The following FGF14 variants were observed in gnomAD, a reference collection of about 807,000 sequenced individuals.
FGF14 encodes the protein fibroblast growth factor homologous factor 4.
Under a neutral mutation model 25.5 loss-of-function variants are expected in FGF14, and 5 were observed. The ratio of observed to expected loss-of-function variants is 0.20; its 90% CI spans 0.10 to 0.41. The LOEUF is 0.41. Among genes scored for constraint, FGF14 ranks in the 10% least tolerant of loss-of-function variants. The probability of loss-of-function intolerance (pLI) is 1.00; values close to 1 mark genes in which losing one functional copy is unlikely to be tolerated. For synonymous variants in FGF14, 138 were observed against 118.3 expected (o/e 1.17, Z -1.08); for missense variants, 222 against 320.1 (o/e 0.69, Z 2.34).
intron 1 of FGF14, among the ~76,000 whole-genome samples, chr13:102,348,643 C>T (rs1566953127): frequency 6.6e-6 from 1 of 152,176 alleles, no homozygotes; most frequent in East Asian, 1.9e-4. Context: ...CAAAATGTGA[C>T]GTCTTTGCAA....
At chr13:102,154,001 T>G (rs941593826) in intron 1 of FGF14, among the ~76,000 whole-genome samples, 1 of 151,840 alleles carries the variant, frequency 6.6e-6, no homozygotes, top group African/African-American at 2.4e-5. Context: ...AGGTTAAGAG[T>G]CAAAGGCAGA....
intron 1 of FGF14, among the ~76,000 whole-genome samples, chr13:101,948,381 A>G (rs1369860779): frequency 6.6e-6 from 1 of 152,046 alleles, no homozygotes; most frequent in East Asian, 1.9e-4. Context: ...AGAAGAGGGA[A>G]TAGATGTGGT....
intron 1 of FGF14, among the ~76,000 whole-genome samples, chr13:102,266,072 T>C (rs902637005): frequency 7.9e-5 from 12 of 151,132 alleles, no homozygotes; most frequent in African/African-American, 2.9e-4. Flanking sequence ...AGAGAAAAAA[T>C]AAGGGACAAC....
intron 3 of FGF14, among the ~76,000 whole-genome samples, chr13:101,756,482 C>T (rs1319490221): frequency 1.3e-5 from 2 of 152,128 alleles, no homozygotes; most frequent in East Asian, 1.9e-4. Context: ...CGCCTGTAAT[C>T]CCAGCACTTT....
intron 1 of FGF14, among the ~76,000 whole-genome samples, chr13:102,030,722 C>T (rs1926007): frequency 0.03 from 4,529 of 152,010 alleles, 247 homozygotes; most frequent in African/African-American, 0.1. Flanking sequence ...ACAGGGACTT[C>T]GGGGAAGCCT....
intron 1 of FGF14, among the ~76,000 whole-genome samples, chr13:102,391,518 A>T (rs1254787204): frequency 6.6e-6 from 1 of 152,238 alleles, no homozygotes; most frequent in Non-Finnish European, 1.5e-5. Flanking sequence ...TCTTAACTGC[A>T]TCATTAAAAT....
intron 1 of FGF14, among the ~76,000 whole-genome samples, chr13:102,092,309 T>C (rs1164859115): frequency 2.6e-5 from 4 of 152,218 alleles, no homozygotes; most frequent in Non-Finnish European, 5.9e-5. Context: ...GTCTTATGCA[T>C]TGCTGTTTGT....
chr13:101,826,640 T>G (rs779852140), intron 3 of FGF14, among the ~76,000 whole-genome samples: 17 of 152,118 alleles, frequency 1.1e-4, no homozygotes, highest in Non-Finnish European at 2.2e-4. Flanking sequence ...TAGTAAAATC[T>G]ATTAATTAGT....
intron 1 of FGF14, among the ~76,000 whole-genome samples, chr13:102,141,034 C>A (rs1438030670): frequency 6.6e-6 from 1 of 152,202 alleles, no homozygotes. Context: ...TCTTAACTCA[C>A]CACCAACATT....
At chr13:102,026,344 A>G (rs779775096) in intron 1 of FGF14, among the ~76,000 whole-genome samples, 13 of 151,772 alleles carry the variant, frequency 8.6e-5, no homozygotes, top group Non-Finnish European at 1.8e-4. Flanking sequence ...TAAGATTTTT[A>G]TATTTCATTA....
chr13:102,382,047 A>C (rs1244148690), intron 1 of FGF14, among the ~76,000 whole-genome samples: 1 of 152,172 alleles, frequency 6.6e-6, no homozygotes, highest in African/African-American at 2.4e-5. Context: ...AGAAAAACTT[A>C]GGACAAAATC....
chr13:102,143,361 G>A (rs1014362979), intron 1 of FGF14, among the ~76,000 whole-genome samples: 1 of 152,090 alleles, frequency 6.6e-6, no homozygotes, highest in Non-Finnish European at 1.5e-5. Flanking sequence ...ATGTGTGTGT[G>A]TTTATGCATG....
chr13:102,262,267 A>T (rs1227006905), intron 1 of FGF14, among the ~76,000 whole-genome samples: 1 of 152,162 alleles, frequency 6.6e-6, no homozygotes, highest in Non-Finnish European at 1.5e-5. Flanking sequence ...CAGGTTAAAT[A>T]CTCTAAAGCT....
chr13:101,953,452 G>A (rs1455050576), intron 1 of FGF14, among the ~76,000 whole-genome samples: 5 of 151,602 alleles, frequency 3.3e-5, no homozygotes, highest in Admixed American at 6.6e-5. Context: ...TTCTGGACTC[G>A]AACCCAATGT....
intron 1 of FGF14, among the ~76,000 whole-genome samples, chr13:102,326,623 A>AGGAGGGAAAG (rs200917897): frequency 2.2e-5 from 3 of 136,652 alleles, no homozygotes; most frequent in Admixed American, 7.4e-5. Flanking sequence ...GAAGGAGGGA[A>AGGAGGGAAAG]GGAGGGAAAG....
At chr13:102,245,246 C>G (rs1413419534) in intron 1 of FGF14, among the ~76,000 whole-genome samples, 1 of 151,998 alleles carries the variant, frequency 6.6e-6, no homozygotes, top group Non-Finnish European at 1.5e-5. Flanking sequence ...AATTCAGATC[C>G]AAAAGAATAA....
At chr13:102,229,471 A>G (rs1392314975) in intron 1 of FGF14, among the ~76,000 whole-genome samples, 1 of 152,154 alleles carries the variant, frequency 6.6e-6, no homozygotes, top group Non-Finnish European at 1.5e-5. Flanking sequence ...GGCACTGTCC[A>G]TTATTCTTTC....
chr13:101,986,704 A>G (rs2038600167), intron 1 of FGF14, among the ~76,000 whole-genome samples: 1 of 152,116 alleles, frequency 6.6e-6, no homozygotes, highest in Admixed American at 6.5e-5. Flanking sequence ...CACATTACCT[A>G]TCCATGTGCA....
At chr13:102,197,340 T>G (rs1442645070) in intron 1 of FGF14, among the ~76,000 whole-genome samples, 2 of 152,096 alleles carry the variant, frequency 1.3e-5, no homozygotes, top group Non-Finnish European at 2.9e-5. Context: ...CAAGTACTAC[T>G]GCCCTAGACC....
Sources: gnomAD v4.1 joint callset for allele counts (sites outside exome capture counted in the v4.1 genomes callset) on GRCh38, gnomAD v4.1.1 for gene constraint, MANE v1.5 for transcripts, NCBI Gene and HGNC (gene_info 2026-07-23, HGNC 2026-07-21) for gene names.